The following NOD2 variants were observed in gnomAD, a reference collection of about 807,000 sequenced individuals.
The protein encoded by NOD2 is nucleotide binding oligomerization domain containing 2.
NOD2 carries 86 observed loss-of-function variants against 90.9 expected under a neutral mutation model. The observed-to-expected ratio is 0.95, with a 90% CI of 0.79 to 1.13. The LOEUF (loss-of-function observed/expected upper bound fraction) is 1.13. Ranked by LOEUF, NOD2 falls within the 50% of genes most tolerant of loss-of-function variation. NOD2 has a pLI of 0.00. For synonymous variants in NOD2, 581 were observed against 554.6 expected (o/e 1.05, Z -0.67); for missense variants, 1,238 against 1,283.8 (o/e 0.96, Z 0.55).
Position 50,699,752 on chromosome 16 carries a change from A to G in NOD2, c.257A>G (p.Asp86Gly), listed in dbSNP as rs767173948. Residue 86 changes from aspartate to glycine, a missense_variant, in exon 2 of 12, where the codon GAC becomes GGC. Coordinates refer to ENST00000647318, the MANE Select transcript of NOD2 (RefSeq NM_001370466.1). ...LIAAAQEAQA[D>G]SQSPKLHGCW... Reference sequence around the variant, plus strand: ...GCGGCTGCCCAAGAAGCCCAGGCCGACAGCCAGTCCCCCAAGCTGCATGGC... The same window carrying G: ...GCGGCTGCCCAAGAAGCCCAGGCCGGCAGCCAGTCCCCCAAGCTGCATGGC... 1 of 1,613,552 alleles carries G rather than the reference A, an allele frequency of 6.2e-7. No individual in the cohort carries two copies.
chr16:50,703,969 A>G (rs1964064209), intron 2 of NOD2, among the ~76,000 whole-genome samples: 1 of 152,210 alleles, frequency 6.6e-6, no homozygotes. Context: ...TCAGTGGTAA[A>G]GTTGCCAAAG....
At chr16:50,702,580 T>A (rs1321375797) in intron 2 of NOD2, among the ~76,000 whole-genome samples, 1 of 152,218 alleles carries the variant, frequency 6.6e-6, no homozygotes, top group Non-Finnish European at 1.5e-5. Context: ...TGTCATTGAT[T>A]GCAGGTTAGG....
At chr16:50,703,333 G>A (rs1964023314) in intron 2 of NOD2, among the ~76,000 whole-genome samples, 2 of 152,180 alleles carry the variant, frequency 1.3e-5, no homozygotes, top group Admixed American at 1.3e-4. Context: ...AAAAATAGCT[G>A]TGTAAAGAAA....
Position 50,711,097 on chromosome 16 carries a change from T to A in NOD2, c.1105T>A (p.Ser369Thr). Residue 369 changes from serine (S) to threonine (T), a missense_variant, in exon 4 of 12, where the codon TCC becomes ACC. Transcript: ENST00000647318. ...GTTCACGGATCGTGAACGCCACTGC[T>A]CCCCGACCGACCCCACCTCTGTCCA... is the stretch of plus-strand genomic sequence containing the variant. ...FRFTDRERHC[S>T]PTDPTSVQTL... is the part of the protein sequence containing the mutation. 1 of 1,614,130 alleles carries A rather than the reference T, an allele frequency of 6.2e-7. No homozygotes were observed. Among genetic ancestry groups the A allele is most frequent in the Non-Finnish European group, 8.5e-7 (1 of 1,180,018 alleles).
intron 1 of NOD2, among the ~76,000 whole-genome samples, chr16:50,695,314 A>G (rs1054108861): frequency 3.9e-5 from 6 of 152,152 alleles, no homozygotes; most frequent in African/African-American, 1.4e-4. Context: ...GGCCGTGTCG[A>G]TAGGGTTTGG....
chr16:50,697,560 G>A, intron 1 of NOD2: 1 of 588,976 alleles, frequency 1.7e-6, no homozygotes, highest in Non-Finnish European at 3.1e-6. Flanking sequence ...GCCAAGCCCA[G>A]AGCTTATTCT....
chr16:50,721,374 TTTTG>T (rs1192135415), intron 7 of NOD2, among the ~76,000 whole-genome samples: 11 of 150,884 alleles, frequency 7.3e-5, no homozygotes, highest in South Asian at 4.2e-4. Flanking sequence ...TGGTTTTTTT[TTTTG>T]TTTGTTTGTT....
At chr16:50,700,085 G>T in intron 2 of NOD2, 131 bp downstream of exon 2, 1 of 820,104 alleles carries the variant, frequency 1.2e-6, no homozygotes. Context: ...AAGGTAGCCA[G>T]GCAGGTAAAA....
At chr16:50,697,474 G>A in intron 1 of NOD2, 1 of 749,794 alleles carries the variant, frequency 1.3e-6, no homozygotes, top group Non-Finnish European at 2.4e-6. Flanking sequence ...TTTTCCCCAG[G>A]ACCTGGGCAG....
At chr16:50,721,768 C>T (rs1442208812) in intron 7 of NOD2, among the ~76,000 whole-genome samples, 6 of 152,182 alleles carry the variant, frequency 3.9e-5, no homozygotes, top group African/African-American at 1.4e-4. Context: ...ATTGGGATTA[C>T]ACAAGTGAGC....
At chr16:50,694,582 C>T (rs1596813009) in intron 1 of NOD2, among the ~76,000 whole-genome samples, 1 of 152,336 alleles carries the variant, frequency 6.6e-6, no homozygotes, top group East Asian at 1.9e-4. Context: ...GACACATGCC[C>T]AGTGGTGGGG....
intron 9 of NOD2, among the ~76,000 whole-genome samples, chr16:50,724,521 A>C (rs1965198116): frequency 6.6e-6 from 1 of 152,238 alleles, no homozygotes; most frequent in Non-Finnish European, 1.5e-5. Context: ...AGTGATGTAC[A>C]AAACAGCTTG....
chr16:50,731,844 AGTTT>A lies in NOD2; in HGVS notation c.*32_*35del, dbSNP rs780112629. 4 of 1,593,108 alleles carry A rather than the reference AGTTT, an allele frequency of 2.5e-6. No homozygotes were observed. Among genetic ancestry groups the A allele is most frequent in the African/African-American group, 2.7e-5 (2 of 74,462 alleles). On this transcript the variant is annotated 3_prime_UTR_variant, in exon 12 of 12. Coordinates refer to ENST00000647318, the MANE Select transcript of NOD2 (RefSeq NM_001370466.1). Reference sequence around the variant, plus strand: ...AAGTCTCCGGGAGGATGTTCGTCTCAGTTTGTTTGTGAGCAGGCTGTGAGTTTGG... The same window carrying A: ...AAGTCTCCGGGAGGATGTTCGTCTCAGTTTGTGAGCAGGCTGTGAGTTTGG...
Position 50,723,307 on chromosome 16 carries a change from G to A in NOD2, c.2724G>A (p.Val908=). Residue 908 remains valine, a synonymous_variant, in exon 9 of 12, where the codon GTG becomes GTA. Transcript: ENST00000647318. ...DHQSLRWLSL[V]GNNIGSVGAQ... ...GTTCCATGATTACCTCCAGCCTGGT[G>A]GGGAACAACATTGGCAGTGTGGGTG... is the stretch of plus-strand genomic sequence containing the variant. 1 of 1,613,786 alleles carries A rather than the reference G, an allele frequency of 6.2e-7. No homozygotes were observed. Among genetic ancestry groups the A allele is most frequent in the Non-Finnish European group, 8.5e-7 (1 of 1,179,832 alleles).
intron 3 of NOD2, among the ~76,000 whole-genome samples, chr16:50,709,570 G>T (rs1233971080): frequency 6.6e-6 from 1 of 152,178 alleles, no homozygotes; most frequent in Non-Finnish European, 1.5e-5. Flanking sequence ...TGGGGTGCAT[G>T]GGGAGGATGG....
At chr16:50,720,412 A>G (rs1056835667) in intron 7 of NOD2, among the ~76,000 whole-genome samples, 22 of 152,160 alleles carry the variant, frequency 1.4e-4, no homozygotes, top group African/African-American at 4.8e-4. Flanking sequence ...AAAGCTTCCC[A>G]GGGGATGTAC....
At chr16:50,727,836 A>G (rs1431234761) in intron 10 of NOD2, 1 of 369,198 alleles carries the variant, frequency 2.7e-6, no homozygotes, top group Non-Finnish European at 5.4e-6. Context: ...ATGGTTTCGC[A>G]GGGATTCAGA....
rs753241960 is a variant in NOD2 at position 50,711,116 on chromosome 16, C to T, written c.1124C>T (p.Ser375Phe). 1.1e-5 allele frequency: 18 copies of T among 1,614,110 alleles called. No homozygotes were observed. The highest frequency in any genetic ancestry group is 1.5e-5 in the Non-Finnish European group (18 of 1,180,042). ...ERHCSPTDPT[S>F]VQTLLFNLLQ... Reference sequence around the variant, plus strand: ...CACTGCTCCCCGACCGACCCCACCTCTGTCCAGACCCTGCTCTTCAACCTT... The same window carrying T: ...CACTGCTCCCCGACCGACCCCACCTTTGTCCAGACCCTGCTCTTCAACCTT... Residue 375 changes from serine to phenylalanine, a missense_variant, in exon 4 of 12, where the codon TCT (serine) becomes TTT (phenylalanine). By Grantham distance (155) the Ser-to-Phe change is radical. Around this residue, in one of 3 missense-constraint regions of NOD2, gnomAD observed 567 missense variants for 577.3 expected, o/e 0.98. Transcript: ENST00000647318.
In NOD2 at chr16:50,732,059, A is replaced by AATCC; in HGVS notation, c.*241_*244dup. On this transcript the variant is annotated 3_prime_UTR_variant, in exon 12 of 12. Transcript: ENST00000647318. ...TGCCATTGACTTCTTCCCAAGATTC[A>AATCC]ATCCCAGGATGTACAAGGACAGCCC... The AATCC allele has an allele frequency of 1.9e-6, 1 of 537,152 alleles. No individual in the cohort carries two copies. Among genetic ancestry groups the AATCC allele is most frequent in the Non-Finnish European group, 3.4e-6 (1 of 292,990 alleles). 33.3% of individuals were successfully genotyped at this position (537,152 alleles called of 1,614,324 possible).
Sources: allele counts gnomAD v4.1 joint callset (sites outside exome capture counted in the v4.1 genomes callset), GRCh38; gene constraint gnomAD v4.1.1; regional missense constraint gnomAD v4.1.1; transcripts MANE v1.5; gene names NCBI Gene and HGNC (gene_info 2026-07-23, HGNC 2026-07-21).